Variants in MAGEC3 observed in about 807,000 individuals in gnomAD.
The protein encoded by MAGEC3 is melanoma-associated antigen C3.
A neutral mutation model predicts 35.3 loss-of-function variants in MAGEC3; 34 were observed. The observed-to-expected ratio is 0.96, with a 90% confidence interval of 0.73 to 1.28. The LOEUF (loss-of-function observed/expected upper bound fraction) is 1.28, where lower values mean the gene tolerates loss of function less well. Ranked by LOEUF, MAGEC3 falls within the 50% of genes most tolerant of loss-of-function variation. The pLI is 0.00. For synonymous variants in MAGEC3, 202 were observed against 185.6 expected (o/e 1.09, Z -0.72); for missense variants, 561 against 483.6 (o/e 1.16, Z -1.50).
chrX:141,874,168 A>G (rs2017905717), intron 2 of MAGEC3, among the ~76,000 whole-genome samples: 1 of 112,119 alleles, frequency 8.9e-6, no homozygotes, highest in Non-Finnish European at 1.9e-5. Flanking sequence ...CATGGAGAAA[A>G]TGAAGTTAGG....
chrX:141,846,127 G>A (rs773334699), intron 1 of MAGEC3, among the ~76,000 whole-genome samples: 2 of 108,583 alleles, frequency 1.8e-5, no homozygotes, highest in African/African-American at 6.7e-5. Context: ...TCTTTATTCC[G>A]TTTCAGATTC....
intron 1 of MAGEC3, among the ~76,000 whole-genome samples, chrX:141,854,661 C>T (rs1352757026): frequency 9.0e-6 from 1 of 111,310 alleles, no homozygotes; most frequent in Non-Finnish European, 1.9e-5. Flanking sequence ...TGTGAGGCTT[C>T]CCCAGCCACG....
rs1218420622 is a variant in MAGEC3, at chrX:141,838,858, T to G, written c.123+420T>G. ...CTGGGGCAGCAGTTCGTGCTTCTCT[T>G]GCACCTCAGCCCTGGGCTACTGGGC... On this transcript the variant is annotated intron_variant, in intron 1 of 7. Transcript: ENST00000298296. 6 of 750,890 alleles carry G rather than the reference T, an allele frequency of 8.0e-6. No homozygotes were observed. In the East Asian group the frequency reaches 9.2e-4, roughly 116 times the overall value. The allele number at this position is 750,890 out of a possible 1,213,427, so 61.9% of individuals were successfully genotyped here.
chrX:141,842,101 C>T (rs1264426828), intron 1 of MAGEC3, among the ~76,000 whole-genome samples: 1 of 111,412 alleles, frequency 9.0e-6, no homozygotes, highest in African/African-American at 3.3e-5. Context: ...TTGGTTCATA[C>T]AATTACTTGA....
At chrX:141,886,054 G>A (rs1308081534) in intron 4 of MAGEC3, among the ~76,000 whole-genome samples, 2 of 111,134 alleles carry the variant, frequency 1.8e-5, no homozygotes, top group African/African-American at 6.6e-5. Context: ...AGGTGCAGGG[G>A]TCAAGTGGCA....
chrX:141,874,385 G>T (rs1480178613), intron 2 of MAGEC3, among the ~76,000 whole-genome samples: 2 of 111,645 alleles, frequency 1.8e-5, no homozygotes, highest in African/African-American at 6.5e-5. Context: ...TCATAAAAAT[G>T]AAAAAATTCT....
chrX:141,877,533 A>G (rs2017927587), intron 2 of MAGEC3, among the ~76,000 whole-genome samples: 1 of 111,872 alleles, frequency 8.9e-6, no homozygotes, highest in Non-Finnish European at 1.9e-5. Context: ...TGCACAGTCT[A>G]ATCATGCATG....
At chrX:141,844,949 C>T (rs2017707734) in intron 1 of MAGEC3, among the ~76,000 whole-genome samples, 1 of 109,841 alleles carries the variant, frequency 9.1e-6, no homozygotes, top group East Asian at 2.9e-4. Flanking sequence ...TAAGCGCTAA[C>T]GTTTTCAGCC....
At chrX:141,867,188 TATTA>T (rs1220862877) in intron 2 of MAGEC3, among the ~76,000 whole-genome samples, 1 of 111,923 alleles carries the variant, frequency 8.9e-6, no homozygotes, top group African/African-American at 3.2e-5. Context: ...CTTTCTTTGT[TATTA>T]CTGTAGCCTT....
chrX:141,877,594 T>C, intron 2 of MAGEC3, among the ~76,000 whole-genome samples: 1 of 111,772 alleles, frequency 8.9e-6, no homozygotes, highest in East Asian at 2.8e-4. Flanking sequence ...CTTCATTTAC[T>C]GCTCTTTGGA....
intron 1 of MAGEC3, among the ~76,000 whole-genome samples, chrX:141,851,364 T>C (rs763269654): frequency 3.6e-5 from 4 of 110,236 alleles, no homozygotes; most frequent in African/African-American, 1.3e-4. Flanking sequence ...TAAATATTAT[T>C]ATTTTAAGTA....
In MAGEC3 at chrX:141,847,436, T is replaced by A. The variant is rs182980278; in HGVS notation, c.123+8998T>A. On this transcript the variant is annotated intron_variant, in intron 1 of 7. Transcript: ENST00000298296. ...ATGGATTTCTTAATCACTGCCACAG[T>A]CCAGTCATAGTTATAGATATCAAAT... 1.5e-4 allele frequency among the ~76,000 whole-genome samples: 17 copies of A among 111,310 alleles called. No homozygotes were observed. The East Asian group carries it at 4.2e-3, about 28-fold the overall frequency.
chrX:141,862,933 A>G (rs1220750914), intron 1 of MAGEC3, among the ~76,000 whole-genome samples: 1 of 111,926 alleles, frequency 8.9e-6, no homozygotes, highest in African/African-American at 3.3e-5. Flanking sequence ...CAAAATAGCT[A>G]GAAGAGAGAG....
rs1307711758 is a variant in MAGEC3, at chrX:141,865,566, G to C, written c.219G>C (p.Gln73His). 1 of 1,210,613 alleles carries C rather than the reference G, an allele frequency of 8.3e-7. No homozygotes were observed. The highest frequency in any genetic ancestry group is 2.2e-5 in the Admixed American group (1 of 45,981). Residue 73 changes from glutamine (Q) to histidine (H), a missense_variant, in exon 2 of 8, where the codon CAG (glutamine) becomes CAC (histidine). Gln to His is a conservative substitution (Grantham distance 24, BLOSUM62 0). Transcript: ENST00000298296. ...RLFLRGGTSD[Q>H]RMDSLVLCPT... is the part of the protein sequence containing the mutation. ...TTCTGAGGGGTGGAACTTCAGATCA[G>C]CGAATGGATAGTCTTGTCCTCTGCC...
At chrX:141,839,664 T>C in intron 1 of MAGEC3, 1 of 737,850 alleles carries the variant, frequency 1.4e-6, no homozygotes, top group Non-Finnish European at 1.6e-6. Context: ...ATATGAATTG[T>C]TTATATGCAT....
chrX:141,895,211 G>A, intron 4 of MAGEC3, 58 bp from the exon 5 acceptor site: 1 of 1,136,826 alleles, frequency 8.8e-7, no homozygotes, highest in Non-Finnish European at 1.2e-6. Flanking sequence ...AGGCGGAGAG[G>A]TGGGGGGTGG....
At chrX:141,868,948 C>T (rs1003514641) in intron 2 of MAGEC3, among the ~76,000 whole-genome samples, 11 of 109,437 alleles carry the variant, frequency 1.0e-4, no homozygotes, top group Non-Finnish European at 1.9e-4. Flanking sequence ...GTGGTGCTAT[C>T]TCGGCTCACT....
chrX:141,897,222 G>T lies in MAGEC3; in HGVS notation c.1464G>T (p.Lys488Asn), dbSNP rs146133054. 1.7e-4 allele frequency: 205 copies of T among 1,210,460 alleles called. 1 individual carries two copies. Among genetic ancestry groups the T allele is most frequent in the Non-Finnish European group, 1.9e-4 (173 of 895,307 alleles). ...TKAEMLTTVIKKYKDYFPMIF... is the reference protein window; with the variant it reads ...TKAEMLTTVINKYKDYFPMIF... ...CAGAGATGCTGACGACTGTCATCAA[G>T]AAGTATAAGGACTATTTTCCCATGA... The change falls in exon 7 of 8, where the codon AAG (lysine) becomes AAT (asparagine). Residue 488 changes from lysine (K) to asparagine (N), a missense_variant. Coordinates refer to ENST00000298296, the MANE Select transcript of MAGEC3 (RefSeq NM_138702.1).
chrX:141,894,336 CATTAA>C (rs1200888420), intron 4 of MAGEC3, among the ~76,000 whole-genome samples: 3 of 111,764 alleles, frequency 2.7e-5, no homozygotes, highest in African/African-American at 3.2e-5. Context: ...AAATTAATGA[CATTAA>C]ATTAATAAAA....
Sources: gnomAD v4.1 joint callset for allele counts (sites outside exome capture counted in the v4.1 genomes callset) on GRCh38, gnomAD v4.1.1 for gene constraint, MANE v1.5 for transcripts, NCBI Gene and HGNC (gene_info 2026-07-23, HGNC 2026-07-21) for gene names.